The following MYT1L variants were observed in gnomAD, a reference collection of about 807,000 sequenced individuals.
MYT1L encodes myelin transcription factor 1-like protein.
A neutral mutation model predicts 126.7 loss-of-function variants in MYT1L; 12 were observed. That is an observed-to-expected ratio of 0.09 (90% CI 0.06 to 0.15). The LOEUF is 0.15. Ranked by LOEUF, MYT1L falls within the 10% of genes least tolerant of loss-of-function variation. The pLI, the probability that MYT1L is intolerant of heterozygous loss-of-function variation, is 1.00. For synonymous variants in MYT1L, 541 were observed against 604.2 expected (o/e 0.90, Z 1.53); for missense variants, 979 against 1,585.2 (o/e 0.62, Z 6.49).
At chr2:1,822,502 C>T (rs1051326184) in intron 21 of MYT1L, among the ~76,000 whole-genome samples, 4 of 152,196 alleles carry the variant, frequency 2.6e-5, no homozygotes, top group African/African-American at 9.7e-5. Flanking sequence ...GATGCTCCTG[C>T]GTGCTCAGCA....
At chr2:2,309,970 A>G (rs2095933752) in intron 1 of MYT1L, among the ~76,000 whole-genome samples, 1 of 151,878 alleles carries the variant, frequency 6.6e-6, no homozygotes, top group African/African-American at 2.4e-5. Context: ...TACTCCACCT[A>G]CACATTGGTA....
chr2:2,217,687 ACAAC>A lies in MYT1L; in HGVS notation c.-420-44703_-420-44700del, dbSNP rs1160691636. ...CTCCATCTCAACAACAACAACAACA[ACAAC>A]AACAACAACAACAACAAAAAAAAAA... is the stretch of plus-strand genomic sequence containing the variant. On this transcript the variant is annotated intron_variant, in intron 2 of 24. Coordinates refer to ENST00000647738, the MANE Select transcript of MYT1L (RefSeq NM_001303052.2). Among the ~76,000 whole-genome samples, 274 of 116,276 alleles carry A rather than the reference ACAAC, an allele frequency of 2.4e-3. 14 individuals carry two copies. Among genetic ancestry groups the A allele is most frequent in the South Asian group, 3.2e-3 (11 of 3,434 alleles). 76.3% of individuals were successfully genotyped at this position (116,276 alleles called of 152,430 possible). A position where few individuals can be genotyped will look rare whatever the true frequency, so the allele number is the denominator to read the frequency against.
Position 2,112,969 on chromosome 2 carries a change from G to A in MYT1L, c.-303-58846C>T, listed in dbSNP as rs1232619624. Among the ~76,000 whole-genome samples the A allele has an allele frequency of 2.0e-5, 3 of 152,110 alleles. No homozygotes were observed. In the East Asian group the frequency reaches 5.8e-4, roughly 29 times the overall value. ...AATCATGAGACAATGGAGGTAAACT[G>A]CCTGATACAGTGCTTGGAAGGCAGC... On this transcript the variant is annotated intron_variant, in intron 3 of 24. Coordinates refer to ENST00000647738, the MANE Select transcript of MYT1L (RefSeq NM_001303052.2).
At chr2:2,223,464 C>CT (rs1329172278) in intron 2 of MYT1L, among the ~76,000 whole-genome samples, 1 of 152,238 alleles carries the variant, frequency 6.6e-6, no homozygotes, top group Non-Finnish European at 1.5e-5. Flanking sequence ...CTTAATCTTT[C>CT]TTTTTTATAA....
intron 18 of MYT1L, among the ~76,000 whole-genome samples, chr2:1,871,452 A>G (rs900458984): frequency 2.6e-5 from 4 of 152,236 alleles, no homozygotes; most frequent in African/African-American, 9.6e-5. Flanking sequence ...TCCTCTGCAG[A>G]GAGCTGGACA....
At chr2:1,947,776 TG>T (rs1239553369) in intron 8 of MYT1L, among the ~76,000 whole-genome samples, 1 of 152,204 alleles carries the variant, frequency 6.6e-6, no homozygotes, top group African/African-American at 2.4e-5. Context: ...TGAGTGTGTG[TG>T]GAAAGTCAAG....
intron 2 of MYT1L, among the ~76,000 whole-genome samples, chr2:2,254,263 A>G (rs896731213): frequency 6.7e-4 from 102 of 152,226 alleles, no homozygotes; most frequent in Non-Finnish European, 8.2e-4. Context: ...GTTCATGGGG[A>G]AAATCTTCAA....
At chr2:1,797,906 C>T (rs1207947272) in intron 23 of MYT1L, among the ~76,000 whole-genome samples, 1 of 104,978 alleles carries the variant, frequency 9.5e-6, no homozygotes, top group East Asian at 3.0e-4. Flanking sequence ...CCCCCTTCTC[C>T]GGCACAGGCG....
chr2:2,158,587 G>A (rs1346293935), intron 3 of MYT1L, among the ~76,000 whole-genome samples: 3 of 151,240 alleles, frequency 2.0e-5, no homozygotes, highest in African/African-American at 7.3e-5. Flanking sequence ...TTCAGTCACA[G>A]TTCTGCTCCT....
At chr2:1,998,101 C>T (rs1416556489) in intron 4 of MYT1L, among the ~76,000 whole-genome samples, 3 of 152,152 alleles carry the variant, frequency 2.0e-5, no homozygotes, top group East Asian at 3.9e-4. Context: ...CGCTGAGACA[C>T]GGGTCAGGGA....
chr2:2,122,704 G>C (rs997776304), intron 3 of MYT1L, among the ~76,000 whole-genome samples: 1 of 152,078 alleles, frequency 6.6e-6, no homozygotes. Flanking sequence ...GTTCCTCTTC[G>C]CTTCTCTGTC....
At chr2:1,992,326 A>T (rs988812909) in intron 5 of MYT1L, among the ~76,000 whole-genome samples, 1 of 152,136 alleles carries the variant, frequency 6.6e-6, no homozygotes, top group African/African-American at 2.4e-5. Flanking sequence ...CAAATAATTT[A>T]TCACATTCTG....
rs189374981 is a variant in MYT1L, at chr2:2,189,979, G to A, written c.-420-16991C>T. Among the ~76,000 whole-genome samples, 253 of 152,202 alleles carry A rather than the reference G, an allele frequency of 1.7e-3. 1 individual carries two copies. Among genetic ancestry groups the A allele is most frequent in the African/African-American group, 5.3e-3 (222 of 41,514 alleles). On this transcript the variant is annotated intron_variant, in intron 2 of 24. Transcript: ENST00000647738. ...AGTTCCTTCTTTGTGTGCACACACC[G>A]AGCTCTCCCTTCCTCAGGGCCACTG...
rs891353532 is a variant in MYT1L, at chr2:1,789,525, A to G, written c.*2342T>C. 5.3e-5 allele frequency: 8 copies of G among 152,248 alleles called. No homozygotes were observed. Among genetic ancestry groups the G allele is most frequent in the African/African-American group, 1.4e-4 (6 of 41,458 alleles). The allele number at this position is 152,248 out of a possible 1,614,324, so 9.4% of individuals were successfully genotyped here. ...AACTTTTGATTTGAGATTATGTACC[A>G]ACGTTAGATGAGCAGCAGGTTTGTG... On this transcript the variant is annotated 3_prime_UTR_variant, in exon 25 of 25. Transcript: ENST00000647738.
intron 21 of MYT1L, among the ~76,000 whole-genome samples, chr2:1,823,515 C>G (rs999908222): frequency 6.6e-6 from 1 of 152,282 alleles, no homozygotes; most frequent in East Asian, 1.9e-4. Flanking sequence ...AGCAGCTCCC[C>G]CAGGACGGAA....
intron 3 of MYT1L, among the ~76,000 whole-genome samples, chr2:2,068,388 G>T (rs1360906279): frequency 6.6e-6 from 1 of 152,148 alleles, no homozygotes; most frequent in Non-Finnish European, 1.5e-5. Context: ...GTCAGCCATG[G>T]CAAGATGAGA....
intron 1 of MYT1L, among the ~76,000 whole-genome samples, chr2:2,303,086 T>C (rs2095808481): frequency 6.6e-6 from 1 of 152,198 alleles, no homozygotes; most frequent in Admixed American, 6.5e-5. Context: ...ACAACAAGAA[T>C]AATAGTAGTC....
intron 2 of MYT1L, among the ~76,000 whole-genome samples, chr2:2,178,092 C>A (rs2091028203): frequency 6.6e-6 from 1 of 151,930 alleles, no homozygotes; most frequent in South Asian, 2.1e-4. Flanking sequence ...TTTATATAAA[C>A]AGACTGTAAT....
At chr2:1,835,757 C>T (rs1046250101) in intron 21 of MYT1L, among the ~76,000 whole-genome samples, 1 of 152,116 alleles carries the variant, frequency 6.6e-6, no homozygotes, top group Admixed American at 6.5e-5. Flanking sequence ...TGGAGGTCGC[C>T]GAAGCCAGCA....
Sources: gnomAD v4.1 joint callset for allele counts (sites outside exome capture counted in the v4.1 genomes callset) on GRCh38, gnomAD v4.1.1 for gene constraint, MANE v1.5 for transcripts, NCBI Gene and HGNC (gene_info 2026-07-23, HGNC 2026-07-21) for gene names.